The following MICU1 variants were observed in gnomAD, a reference collection of about 807,000 sequenced individuals.
MICU1 encodes calcium uptake protein 1, mitochondrial.
A neutral mutation model predicts 56.8 loss-of-function variants in MICU1; 45 were observed. That is an observed-to-expected ratio of 0.79 (90% CI 0.62 to 1.02). The LOEUF (loss-of-function observed/expected upper bound fraction) is 1.02. Among genes scored for constraint, MICU1 ranks in the 50% least tolerant of loss-of-function variants. The probability of loss-of-function intolerance (pLI) is 0.00; values close to 1 mark genes in which losing one functional copy is unlikely to be tolerated. For missense variants in MICU1, 504 were observed against 587.1 expected (o/e 0.86, Z 1.46); for synonymous variants, 186 against 195.1 (o/e 0.95, Z 0.39).
intron 6 of MICU1, among the ~76,000 whole-genome samples, chr10:72,482,491 C>T (rs1866331844): frequency 6.6e-6 from 1 of 152,116 alleles, no homozygotes; most frequent in Non-Finnish European, 1.5e-5. Flanking sequence ...GAGCTTTCCA[C>T]TGAATTTGTA....
At chr10:72,519,899 A>C (rs1297172994) in intron 5 of MICU1, among the ~76,000 whole-genome samples, 1 of 152,226 alleles carries the variant, frequency 6.6e-6, no homozygotes, top group Non-Finnish European at 1.5e-5. Flanking sequence ...CCAGAAATTC[A>C]AAACATCTTT....
intron 1 of MICU1, among the ~76,000 whole-genome samples, chr10:72,590,069 A>G (rs1841179894): frequency 6.6e-6 from 1 of 152,150 alleles, no homozygotes; most frequent in Non-Finnish European, 1.5e-5. Context: ...AATTACTTTA[A>G]ATATAAATGG....
chr10:72,438,048 C>G (rs148229095), intron 8 of MICU1, among the ~76,000 whole-genome samples: 4,490 of 152,264 alleles, frequency 0.029, 104 homozygotes, highest in Middle Eastern at 0.082. Flanking sequence ...ACAAGTGGAC[C>G]TAATAGACAT....
intron 8 of MICU1, among the ~76,000 whole-genome samples, chr10:72,441,543 AAATT>A: frequency 6.9e-6 from 1 of 144,480 alleles, no homozygotes; most frequent in Middle Eastern, 3.5e-3. Context: ...TCTAGAACTT[AAATT>A]ATTTAAAAAA....
At chr10:72,390,809 T>G (rs1206965954) in intron 10 of MICU1, among the ~76,000 whole-genome samples, 1 of 152,230 alleles carries the variant, frequency 6.6e-6, no homozygotes, top group African/African-American at 2.4e-5. Flanking sequence ...AACCTCTTAT[T>G]CTAATTAGCA....
Position 72,601,764 on chromosome 10 carries a change from C to T in MICU1, c.-2+24246G>A, listed in dbSNP as rs186328610. Among the ~76,000 whole-genome samples, 562 of 151,066 alleles carry T rather than the reference C, an allele frequency of 3.7e-3. 2 individuals carry two copies. The highest frequency in any genetic ancestry group is 6.8e-3 in the Admixed American group (102 of 15,086). The stretch of plus-strand genomic sequence containing the variant: ...AGTTGTGGAGGAATATAATTGTATA[C>T]AATATATAAAATATTTTAAATTTCT... On this transcript the variant is annotated intron_variant, in intron 1 of 11. Transcript: ENST00000361114.
At chr10:72,570,152 C>T (rs1220006028) in intron 1 of MICU1, among the ~76,000 whole-genome samples, 1 of 152,116 alleles carries the variant, frequency 6.6e-6, no homozygotes, top group Non-Finnish European at 1.5e-5. Flanking sequence ...ACCATATTGG[C>T]CAGGCTGGTC....
chr10:72,589,082 G>A (rs1196897725), intron 1 of MICU1, among the ~76,000 whole-genome samples: 1 of 152,160 alleles, frequency 6.6e-6, no homozygotes, highest in East Asian at 1.9e-4. Flanking sequence ...GAGGTCAGGA[G>A]TTTGAGACCA....
intron 1 of MICU1, among the ~76,000 whole-genome samples, chr10:72,623,190 G>A (rs1842145393): frequency 6.7e-6 from 1 of 148,988 alleles, no homozygotes; most frequent in African/African-American, 2.5e-5. Context: ...AGAATCACTT[G>A]AACCCCGGAG....
At chr10:72,385,670 G>A (rs559872193) in intron 10 of MICU1, among the ~76,000 whole-genome samples, 2 of 152,260 alleles carry the variant, frequency 1.3e-5, no homozygotes, top group South Asian at 2.1e-4. Context: ...GAATTCTGAC[G>A]TGCCCCCCGC....
chr10:72,396,935 C>A (rs975645359), intron 10 of MICU1, among the ~76,000 whole-genome samples: 1 of 152,132 alleles, frequency 6.6e-6, no homozygotes, highest in Non-Finnish European at 1.5e-5. Context: ...ATACAGAGAA[C>A]ACCACAAAGA....
chr10:72,394,452 C>G (rs1164607013), intron 10 of MICU1, among the ~76,000 whole-genome samples: 4 of 151,942 alleles, frequency 2.6e-5, no homozygotes, highest in African/African-American at 9.7e-5. Context: ...GTGGTAAAAC[C>G]CTGTCTTTAC....
chr10:72,425,652 A>C (rs936120387), intron 8 of MICU1, among the ~76,000 whole-genome samples: 1 of 152,000 alleles, frequency 6.6e-6, no homozygotes, highest in African/African-American at 2.4e-5. Context: ...TTACTACTTC[A>C]GTTCTATAAT....
chr10:72,534,686 C>A (rs1308049517), intron 4 of MICU1, among the ~76,000 whole-genome samples: 1 of 152,144 alleles, frequency 6.6e-6, no homozygotes, highest in East Asian at 1.9e-4. Flanking sequence ...GTATTACAAT[C>A]ATCAGATTAT....
intron 5 of MICU1, among the ~76,000 whole-genome samples, chr10:72,514,181 T>C (rs1460136213): frequency 6.6e-6 from 1 of 152,164 alleles, no homozygotes; most frequent in Admixed American, 6.5e-5. Context: ...TTCCAGAACT[T>C]CTATTTGGTA....
chr10:72,545,504 A>G (rs1839874125), intron 4 of MICU1, among the ~76,000 whole-genome samples: 2 of 152,250 alleles, frequency 1.3e-5, no homozygotes, highest in South Asian at 4.1e-4. Flanking sequence ...TTACAGGCAG[A>G]TTCAAAGATT....
intron 6 of MICU1, among the ~76,000 whole-genome samples, chr10:72,489,529 A>G (rs979140858): frequency 1.3e-5 from 2 of 152,154 alleles, no homozygotes; most frequent in African/African-American, 2.4e-5. Flanking sequence ...AAACACATAC[A>G]TAACAGGCTG....
intron 1 of MICU1, among the ~76,000 whole-genome samples, chr10:72,615,647 G>A (rs1187946105): frequency 6.6e-6 from 1 of 151,864 alleles, no homozygotes; most frequent in African/African-American, 2.4e-5. Context: ...TTCCATCTCC[G>A]AAAGTTCAGT....
At chr10:72,433,194 C>T (rs1207936070) in intron 8 of MICU1, among the ~76,000 whole-genome samples, 2 of 152,114 alleles carry the variant, frequency 1.3e-5, no homozygotes, top group Non-Finnish European at 2.9e-5. Flanking sequence ...CCTGCCTTGG[C>T]TTCCCAATGT....
Sources: gnomAD v4.1 joint callset for allele counts (sites outside exome capture counted in the v4.1 genomes callset) on GRCh38, gnomAD v4.1.1 for gene constraint, MANE v1.5 for transcripts, NCBI Gene and HGNC (gene_info 2026-07-23, HGNC 2026-07-21) for gene names.